Variants in PRKCQ observed in about 807,000 individuals in gnomAD.
PRKCQ encodes protein kinase C theta type.
A neutral mutation model predicts 91.2 loss-of-function variants in PRKCQ; 41 were observed. The observed-to-expected ratio is 0.45, with a 90% CI of 0.35 to 0.58. PRKCQ has a LOEUF of 0.58. Among genes scored for constraint, PRKCQ ranks in the 20% least tolerant of loss-of-function variants. The pLI is 0.00. For synonymous variants in PRKCQ, 307 were observed against 316.9 expected (o/e 0.97, Z 0.33); for missense variants, 673 against 896.5 (o/e 0.75, Z 3.18).
At chr10:6,454,404 G>T (rs1834896620) in intron 15 of PRKCQ, among the ~76,000 whole-genome samples, 1 of 152,132 alleles carries the variant, frequency 6.6e-6, no homozygotes, top group Non-Finnish European at 1.5e-5. Flanking sequence ...GGCGGAGCTG[G>T]ATCAAGGGGA....
At chr10:6,468,091 C>G (rs1183013331) in intron 12 of PRKCQ, among the ~76,000 whole-genome samples, 1 of 152,098 alleles carries the variant, frequency 6.6e-6, no homozygotes, top group African/African-American at 2.4e-5. Context: ...TTAACAAAAT[C>G]AGTTGTATAA....
At chr10:6,493,967 T>C (rs1002259334) in intron 7 of PRKCQ, among the ~76,000 whole-genome samples, 2 of 152,212 alleles carry the variant, frequency 1.3e-5, no homozygotes, top group Admixed American at 6.5e-5. Flanking sequence ...GCAGGCTGAC[T>C]CCGTCAAATT....
chr10:6,526,607 G>T lies in PRKCQ; in HGVS notation c.-9-11463C>A, dbSNP rs542184903. 3.3e-5 allele frequency among the ~76,000 whole-genome samples: 5 copies of T among 152,214 alleles called. No individual in the cohort carries two copies. The South Asian group carries it at 1.0e-3, about 32-fold the overall frequency. ...CAATGGCAGGTGAACGTTCCCGGCCGAAACATGGGTGTGAGGTCGGAGCTG... is the reference window on the plus strand; with the variant it reads ...CAATGGCAGGTGAACGTTCCCGGCCTAAACATGGGTGTGAGGTCGGAGCTG... On this transcript the variant is annotated intron_variant, in intron 1 of 17. Coordinates refer to ENST00000263125, the MANE Select transcript of PRKCQ (RefSeq NM_006257.5).
In PRKCQ at chr10:6,461,603, T is replaced by G. The variant is rs74112617; in HGVS notation, c.1508+700A>C. Among the ~76,000 whole-genome samples the G allele has an allele frequency of 8.9e-3, 1,359 of 152,316 alleles. 13 individuals are homozygous for G. The highest frequency in any genetic ancestry group is 0.03 in the African/African-American group (1,256 of 41,572). ...GGGCAACCCTCACTTGACTGCACCC[T>G]CAGAAAATGGAGAGATCCTTCCTTG... is the stretch of plus-strand genomic sequence containing the variant. On this transcript the variant is annotated intron_variant, in intron 14 of 17. Coordinates refer to ENST00000263125, the MANE Select transcript of PRKCQ (RefSeq NM_006257.5).
chr10:6,528,177 G>A (rs1839264531), intron 1 of PRKCQ, among the ~76,000 whole-genome samples: 1 of 152,036 alleles, frequency 6.6e-6, no homozygotes, highest in South Asian at 2.1e-4. Context: ...CAGGTCACAG[G>A]TGCTTCTGGG....
In PRKCQ at chr10:6,485,196, T is replaced by C. The variant is rs761077817; in HGVS notation, c.974A>G (p.Lys325Arg). Residue 325 changes from lysine to arginine, a missense_variant, in exon 10 of 18, where the codon AAA (lysine) becomes AGA (arginine). Physicochemically the swap from Lys to Arg is conservative, Grantham distance 26. Coordinates refer to ENST00000263125, the MANE Select transcript of PRKCQ (RefSeq NM_006257.5). ...PVEIGLPCSIKNEARPPCLPT... is the reference protein window; with the variant it reads ...PVEIGLPCSIRNEARPPCLPT... ...TAAACATGGCGGCCTTGCTTCATTT[T>C]TGATGGAGCATGGGAGACCAATTTC... 35 of 1,614,010 alleles carry C rather than the reference T, an allele frequency of 2.2e-5. No homozygotes were observed. Among genetic ancestry groups the C allele is most frequent in the Non-Finnish European group, 2.7e-5 (32 of 1,180,002 alleles).
At chr10:6,506,665 C>G (rs936666844) in intron 4 of PRKCQ, among the ~76,000 whole-genome samples, 2 of 151,956 alleles carry the variant, frequency 1.3e-5, no homozygotes, top group Non-Finnish European at 2.9e-5. Flanking sequence ...AATTTAGACA[C>G]GGAGGAATTA....
At position 6,462,355 on chromosome 10, in the gene PRKCQ, C is replaced by T; in HGVS notation, c.1456G>A (p.Ala486Thr). The T allele has an allele frequency of 6.2e-7, 1 of 1,613,940 alleles. No homozygotes were observed. The highest frequency in any genetic ancestry group is 8.5e-7 in the Non-Finnish European group (1 of 1,179,912). Residue 486 changes from alanine to threonine, a missense_variant, in exon 14 of 18, where the codon GCT becomes ACT. Coordinates refer to ENST00000263125, the MANE Select transcript of PRKCQ (RefSeq NM_006257.5). The part of the protein sequence containing the change: ...FDLSRATFYA[A>T]EIILGLQFLH... ...AACTGCAGACCAAGAATGATTTCAG[C>T]AGCATAAAACCTGGGGGAAGGAGAA...
At chr10:6,520,272 G>A (rs570311822) in intron 1 of PRKCQ, among the ~76,000 whole-genome samples, 42 of 152,180 alleles carry the variant, frequency 2.8e-4, no homozygotes, top group African/African-American at 9.2e-4. Context: ...TGGGTGCCGC[G>A]ACGCCCGGCC....
intron 1 of PRKCQ, among the ~76,000 whole-genome samples, chr10:6,560,353 G>A (rs1442946034): frequency 6.6e-6 from 1 of 152,156 alleles, no homozygotes; most frequent in Admixed American, 6.5e-5. Context: ...AGTCATCCTT[G>A]ATTTGCTGGG....
rs183690879 is a variant in PRKCQ, at chr10:6,570,624, G to A, written c.-10+9587C>T. Among the ~76,000 whole-genome samples, 329 of 150,394 alleles carry A rather than the reference G, an allele frequency of 2.2e-3. 1 individual carries two copies. Among genetic ancestry groups the A allele is most frequent in the Non-Finnish European group, 3.5e-3 (239 of 67,724 alleles). ...GGCTGGAGTGCAATGGGGCAATCTC[G>A]GCTCACTGCAACCTCTGTCTCCTGG... On this transcript the variant is annotated intron_variant, in intron 1 of 17. Transcript: ENST00000263125.
At position 6,491,745 on chromosome 10, in the gene PRKCQ, G is replaced by T. The variant is rs750588252; in HGVS notation, c.728C>A (p.Thr243Asn). Residue 243 changes from threonine to asparagine, a missense_variant, in exon 8 of 18, where the codon ACC becomes AAC. Transcript: ENST00000263125. ...CAGGGTCCCACAGTGTTCACAGAAGGTCGGGCTCTTGTAATTGTAGACTTT... is the reference window on the plus strand; with the variant it reads ...CAGGGTCCCACAGTGTTCACAGAAGTTCGGGCTCTTGTAATTGTAGACTTT... Reference protein sequence around the residue: ...RFKVYNYKSPTFCEHCGTLLW... With the variant: ...RFKVYNYKSPNFCEHCGTLLW... 2 of 1,614,076 alleles carry T rather than the reference G, an allele frequency of 1.2e-6. No individual in the cohort carries two copies. Among genetic ancestry groups the T allele is most frequent in the African/African-American group, 1.3e-5 (1 of 74,920 alleles).
rs964729225 is a variant in PRKCQ at position 6,515,369 on chromosome 10, G to A, written c.-9-225C>T. On this transcript the variant is annotated intron_variant, in intron 1 of 17. Coordinates refer to ENST00000263125, the MANE Select transcript of PRKCQ (RefSeq NM_006257.5). ...GAGGGGAGAGGCTTTCTGGAAGTCTGCACTCAACCTTGCTTTTGAGAAGTA... is the reference window on the plus strand; with the variant it reads ...GAGGGGAGAGGCTTTCTGGAAGTCTACACTCAACCTTGCTTTTGAGAAGTA... The A allele has an allele frequency of 3.4e-6, 5 of 1,457,430 alleles. No homozygotes were observed. The African/African-American group carries it at 7.2e-5, about 21-fold the overall frequency. 90.3% of individuals were successfully genotyped at this position (1,457,430 alleles called of 1,614,324 possible).
At chr10:6,395,199 G>C in the PRKCQ span, among the ~76,000 whole-genome samples, 1 of 151,912 alleles carries the variant, frequency 6.6e-6, no homozygotes, top group African/African-American at 2.4e-5. Context: ...GAGTAGCTGG[G>C]ACTACAGGTG....
intron 1 of PRKCQ, among the ~76,000 whole-genome samples, chr10:6,528,660 A>G (rs1839282649): frequency 6.6e-6 from 1 of 152,220 alleles, no homozygotes; most frequent in South Asian, 2.1e-4. Context: ...AAACTGTGCA[A>G]AGGACTCACA....
intron 1 of PRKCQ, among the ~76,000 whole-genome samples, chr10:6,523,040 A>C (rs1839073811): frequency 6.6e-6 from 1 of 152,206 alleles, no homozygotes; most frequent in Admixed American, 6.5e-5. Context: ...TAGTAAAAAA[A>C]AAATCACATA....
chr10:6,447,137 A>G (rs1430717473), intron 15 of PRKCQ, among the ~76,000 whole-genome samples: 1 of 152,106 alleles, frequency 6.6e-6, no homozygotes, highest in Non-Finnish European at 1.5e-5. Flanking sequence ...GGCTGGGCGC[A>G]GTGGCTCACA....
intron 2 of PRKCQ, among the ~76,000 whole-genome samples, chr10:6,512,680 C>T (rs978182462): frequency 3.3e-5 from 5 of 152,194 alleles, no homozygotes; most frequent in African/African-American, 7.2e-5. Context: ...TTCTAACTTT[C>T]GAGGGCCCCT....
chr10:6,397,921 G>T, the PRKCQ span, among the ~76,000 whole-genome samples: 1 of 151,644 alleles, frequency 6.6e-6, no homozygotes, highest in South Asian at 2.1e-4. Context: ...ACGAGACTCC[G>T]TCTAAAAAAA....
Sources: gnomAD v4.1 joint callset for allele counts (sites outside exome capture counted in the v4.1 genomes callset) on GRCh38, gnomAD v4.1.1 for gene constraint, MANE v1.5 for transcripts, NCBI Gene and HGNC (gene_info 2026-07-23, HGNC 2026-07-21) for gene names.